Variants in SULF1 observed in about 807,000 individuals in gnomAD.
SULF1 encodes the protein extracellular sulfatase Sulf-1.
SULF1 carries 46 observed loss-of-function variants against 110.5 expected under a neutral mutation model. The ratio of observed to expected loss-of-function variants is 0.42; its 90% CI spans 0.33 to 0.53. SULF1 has a LOEUF of 0.53. Ranked by LOEUF, SULF1 falls within the 20% of genes least tolerant of loss-of-function variation. SULF1 has a pLI of 0.12. For synonymous variants in SULF1, 371 were observed against 387.1 expected (o/e 0.96, Z 0.49); for missense variants, 941 against 1,094.2 (o/e 0.86, Z 1.98).
At chr8:69,523,934 A>G (rs1325319453) in intron 3 of SULF1, among the ~76,000 whole-genome samples, 1 of 152,106 alleles carries the variant, frequency 6.6e-6, no homozygotes, top group Non-Finnish European at 1.5e-5. Flanking sequence ...AGAAAGGAAG[A>G]GGCAATTGTG....
At chr8:69,616,226 A>G (rs184444663) in intron 13 of SULF1, among the ~76,000 whole-genome samples, 6 of 143,078 alleles carry the variant, frequency 4.2e-5, no homozygotes, top group Non-Finnish European at 7.5e-5. Context: ...ATATATATAT[A>G]TATATTTTTT....
At chr8:69,588,587 A>C (rs1260579995) in intron 7 of SULF1, among the ~76,000 whole-genome samples, 2 of 152,122 alleles carry the variant, frequency 1.3e-5, no homozygotes, top group African/African-American at 2.4e-5. Context: ...AAAGTAATTA[A>C]ATTTTTTGCC....
At chr8:69,487,891 T>C (rs1265937955), upstream of SULF1, among the ~76,000 whole-genome samples, 3 of 152,208 alleles carry the variant, frequency 2.0e-5, no homozygotes, top group Non-Finnish European at 2.9e-5. Flanking sequence ...TCGAAAAGCA[T>C]GTCAGTGAGT....
intron 3 of SULF1, among the ~76,000 whole-genome samples, chr8:69,559,715 T>A (rs1303211471): frequency 1.3e-5 from 2 of 152,196 alleles, no homozygotes; most frequent in Non-Finnish European, 2.9e-5. Flanking sequence ...TCAGCCACCT[T>A]CATGCTTTTC....
At chr8:69,583,908 A>G (rs1470223140) in intron 6 of SULF1, among the ~76,000 whole-genome samples, 1 of 152,234 alleles carries the variant, frequency 6.6e-6, no homozygotes, top group Non-Finnish European at 1.5e-5. Context: ...GCCTTGATAT[A>G]TAAAGAGGCA....
intron 13 of SULF1, among the ~76,000 whole-genome samples, chr8:69,615,274 T>C (rs192200558): frequency 6.6e-6 from 1 of 152,362 alleles, no homozygotes; most frequent in East Asian, 1.9e-4. Flanking sequence ...TTAAAAATTC[T>C]CTTTATCTGC....
intron 6 of SULF1, among the ~76,000 whole-genome samples, chr8:69,583,831 A>G (rs1202122755): frequency 6.6e-6 from 1 of 152,216 alleles, no homozygotes; most frequent in Non-Finnish European, 1.5e-5. Context: ...GGAAGATGAC[A>G]TTACAACCAC....
chr8:69,526,856 A>G (rs1178846790), intron 3 of SULF1, among the ~76,000 whole-genome samples: 1 of 149,882 alleles, frequency 6.7e-6, no homozygotes, highest in Non-Finnish European at 1.5e-5. Context: ...GAAGGAAGGA[A>G]GGAAAGAAGG....
intron 1 of SULF1, among the ~76,000 whole-genome samples, chr8:69,495,017 G>T (rs56342134): frequency 0.015 from 2,260 of 152,192 alleles, 52 homozygotes; most frequent in African/African-American, 0.052. Flanking sequence ...TTGACTCAGG[G>T]CTGGATGAAG....
At chr8:69,563,834 T>C (rs751404955) in intron 4 of SULF1, 82 bp from the exon 5 acceptor site, 3 of 784,060 alleles carry the variant, frequency 3.8e-6, no homozygotes, top group Non-Finnish European at 6.2e-6. Context: ...ACTGACTTAT[T>C]TGTAGCCCTT....
Position 69,604,927 on chromosome 8 carries a change from G to A in SULF1, c.1372G>A (p.Gly458Arg). The A allele has an allele frequency of 6.2e-7, 1 of 1,613,996 alleles. No individual in the cohort carries two copies. The highest frequency in any genetic ancestry group is 8.5e-7 in the Non-Finnish European group (1 of 1,179,962). The change falls in exon 13 of 23, where the codon GGG becomes AGG. Residue 458 changes from glycine (G) to arginine (R), a missense_variant. Gly to Arg is a moderately radical substitution (Grantham distance 125). Transcript: ENST00000402687. Reference protein sequence around the residue: ...ARYQTACEQPGQKWQCIEDTS... With the variant: ...ARYQTACEQPRQKWQCIEDTS... ...GTACCAGACAGCCTGTGAACAACCG[G>A]GGCAGGTGAGTGACGCAGGCTTTCT...
intron 3 of SULF1, among the ~76,000 whole-genome samples, chr8:69,553,668 T>C (rs932383895): frequency 6.6e-6 from 1 of 152,214 alleles, no homozygotes; most frequent in African/African-American, 2.4e-5. Flanking sequence ...TTGTTGGAAA[T>C]AGTTGCTGTG....
chr8:69,604,741 G>T, intron 12 of SULF1, 62 bp from the exon 13 acceptor site: 2 of 1,593,928 alleles, frequency 1.3e-6, no homozygotes, highest in African/African-American at 2.7e-5. Flanking sequence ...AAAGGGGGCA[G>T]GACTCAGGGA....
At chr8:69,506,998 C>T (rs1412723220) in intron 3 of SULF1, among the ~76,000 whole-genome samples, 2 of 152,210 alleles carry the variant, frequency 1.3e-5, no homozygotes, top group Non-Finnish European at 2.9e-5. Flanking sequence ...GGGCCGTGCT[C>T]ACATGAAACT....
intron 2 of SULF1, among the ~76,000 whole-genome samples, chr8:69,498,617 A>G (rs1236797854): frequency 1.3e-5 from 2 of 152,200 alleles, no homozygotes; most frequent in Non-Finnish European, 2.9e-5. Flanking sequence ...CAGGTTTTAA[A>G]TGTTATGAGT....
chr8:69,638,646 TA>T lies in SULF1; in HGVS notation c.2427+4del. 6.2e-7 allele frequency: 1 copy of T among 1,612,062 alleles called. No homozygotes were observed. The highest frequency in any genetic ancestry group is 8.5e-7 in the Non-Finnish European group (1 of 1,179,466). On this transcript the variant is annotated splice_donor_region_variant and intron_variant, in intron 20 of 22. Coordinates refer to ENST00000402687, the MANE Select transcript of SULF1 (RefSeq NM_001128205.2). Reference sequence around the variant, plus strand: ...GATATGAATACAGATCCTTATCAGGTAAGACAATATATGTTCATTTTATGAA... The same window carrying T: ...GATATGAATACAGATCCTTATCAGGTAGACAATATATGTTCATTTTATGAA...
chr8:69,480,875 C>A (rs1809488672), intron 1 of SULF1, among the ~76,000 whole-genome samples: 1 of 117,372 alleles, frequency 8.5e-6, no homozygotes, highest in Non-Finnish European at 1.6e-5. Flanking sequence ...ACATCACACT[C>A]TGGGGACTGT....
chr8:69,480,081 G>T (rs913649488), intron 1 of SULF1, among the ~76,000 whole-genome samples: 1 of 152,160 alleles, frequency 6.6e-6, no homozygotes, highest in African/African-American at 2.4e-5. Context: ...CGTTGCTATG[G>T]ATGATCTGTG....
intron 21 of SULF1, 34 bp downstream of exon 21, chr8:69,638,892 C>A: frequency 2.5e-6 from 4 of 1,583,708 alleles, no homozygotes; most frequent in Non-Finnish European, 3.4e-6. Flanking sequence ...TCTATTTTAC[C>A]TGGAAAATTC....
Sources: gnomAD v4.1 joint callset for allele counts (sites outside exome capture counted in the v4.1 genomes callset) on GRCh38, gnomAD v4.1.1 for gene constraint, MANE v1.5 for transcripts, NCBI Gene and HGNC (gene_info 2026-07-23, HGNC 2026-07-21) for gene names.